The following OCM variants were observed in gnomAD, a reference collection of about 807,000 sequenced individuals.
OCM encodes oncomodulin.
Under a neutral mutation model 14.1 loss-of-function variants are expected in OCM, and 18 were observed. The ratio of observed to expected loss-of-function variants is 1.28; its 90% CI spans 0.88 to 1.89. The LOEUF is 1.89. OCM is among the 40% of genes most tolerant of loss of function. The pLI, the probability that OCM is intolerant of heterozygous loss-of-function variation, is 0.00. For missense variants in OCM, 140 were observed against 137.6 expected, an observed-to-expected ratio of 1.02 and a Z score of -0.09; for synonymous variants, 48 against 51.0, an observed-to-expected ratio of 0.94 and a Z score of 0.25.
chr7:5,878,469 G>A (rs1437560638), upstream of OCM, among the ~76,000 whole-genome samples: 3 of 151,552 alleles, frequency 2.0e-5, no homozygotes, highest in Admixed American at 6.6e-5. Flanking sequence ...AAGATTGGCC[G>A]GGCGCGGTGG....
At chr7:5,865,181 AC>A in the OCM span, among the ~76,000 whole-genome samples, 157 of 152,164 alleles carry the variant, frequency 1.0e-3, 1 homozygote, top group Admixed American at 1.2e-3. Context: ...GTCGGGGCCG[AC>A]GAGTAGTGTG....
chr7:5,865,909 C>T, the OCM span, among the ~76,000 whole-genome samples: 2 of 152,148 alleles, frequency 1.3e-5, no homozygotes, highest in Admixed American at 6.5e-5. Context: ...AAATATGCCG[C>T]ACTCTTGATA....
the OCM span, among the ~76,000 whole-genome samples, chr7:5,866,370 G>GA: frequency 1.6e-5 from 1 of 62,242 alleles, no homozygotes; most frequent in African/African-American, 1.3e-4. Context: ...AGGAGGAAGG[G>GA]AGGGAGGAAA....
chr7:5,862,802 C>T, the OCM span, among the ~76,000 whole-genome samples: 1 of 152,014 alleles, frequency 6.6e-6, no homozygotes, highest in Non-Finnish European at 1.5e-5. Flanking sequence ...AAGATGAATG[C>T]ATCATGGACT....
chr7:5,869,105 A>G, the OCM span, among the ~76,000 whole-genome samples: 1 of 152,210 alleles, frequency 6.6e-6, no homozygotes, highest in Non-Finnish European at 1.5e-5. Flanking sequence ...ACTGAGTCCA[A>G]AGTTCCACAT....
chr7:5,885,647 C>G (rs1484826388), intron 3 of OCM, among the ~76,000 whole-genome samples: 1 of 143,376 alleles, frequency 7.0e-6, no homozygotes, highest in Non-Finnish European at 1.5e-5. Context: ...GTCTGGCTCT[C>G]TCGCCCAGGC....
chr7:5,883,065 C>T (rs1055164658), intron 2 of OCM, among the ~76,000 whole-genome samples: 25 of 152,130 alleles, frequency 1.6e-4, no homozygotes, highest in African/African-American at 3.6e-4. Flanking sequence ...TGGTCTCAAA[C>T]TCCTGACTTC....
chr7:5,870,961 A>G, the OCM span, among the ~76,000 whole-genome samples: 11 of 151,646 alleles, frequency 7.3e-5, no homozygotes, highest in South Asian at 2.3e-3. Context: ...ATCTCAGCTC[A>G]CCGCAACCTC....
chr7:5,867,303 C>A, the OCM span, among the ~76,000 whole-genome samples: 1 of 152,170 alleles, frequency 6.6e-6, no homozygotes, highest in East Asian at 1.9e-4. Flanking sequence ...CATAGCAAGA[C>A]CCCATCTCAA....
rs774881144 is a variant in OCM, at chr7:5,881,036, C to T, written c.61+86C>T. Reference sequence around the variant, plus strand: ...ACACAAAATCAAAATGTAGGCCAGGCGGCCAGACGCAGTGGCTCACACCTG... The same window carrying T: ...ACACAAAATCAAAATGTAGGCCAGGTGGCCAGACGCAGTGGCTCACACCTG... On this transcript the variant is annotated intron_variant, in intron 1 of 3. Transcript: ENST00000242104. The T allele has an allele frequency of 6.2e-5, 86 of 1,387,826 alleles. 1 individual carries two copies. Among genetic ancestry groups the T allele is most frequent in the South Asian group, 2.0e-4 (17 of 85,044 alleles). The allele number at this position is 1,387,826 out of a possible 1,614,324, so 86.0% of individuals were successfully genotyped here. A position where few individuals can be genotyped will look rare whatever the true frequency, so the allele number is the denominator to read the frequency against.
At chr7:5,873,646 T>C in the OCM span, among the ~76,000 whole-genome samples, 2 of 151,986 alleles carry the variant, frequency 1.3e-5, no homozygotes, top group African/African-American at 4.8e-5. Context: ...AGTCCAGCCA[T>C]CCTTGGGTTT....
the OCM span, among the ~76,000 whole-genome samples, chr7:5,864,463 C>A: frequency 1.3e-5 from 2 of 152,060 alleles, no homozygotes; most frequent in African/African-American, 2.4e-5. Context: ...TTCTCCTCCA[C>A]GTTCTAGGGT....
At chr7:5,885,947 C>G in intron 3 of OCM, 117 bp from the exon 4 acceptor site, 1 of 1,058,182 alleles carries the variant, frequency 9.5e-7, no homozygotes, top group Non-Finnish European at 1.5e-6. Context: ...GGGGCCATGC[C>G]CATCATCTGA....
the OCM span, among the ~76,000 whole-genome samples, chr7:5,864,444 G>A: frequency 6.6e-6 from 1 of 152,034 alleles, no homozygotes; most frequent in South Asian, 2.1e-4. Flanking sequence ...AATGAGTTGG[G>A]GTTCTCTTTT....
the OCM span, among the ~76,000 whole-genome samples, chr7:5,874,223 C>CAAAAAA: frequency 1.3e-4 from 4 of 31,490 alleles, no homozygotes; most frequent in Non-Finnish European, 1.2e-4. Flanking sequence ...GACTCTGTCT[C>CAAAAAA]AAAAAAAAAA....
At chr7:5,867,428 C>G in the OCM span, among the ~76,000 whole-genome samples, 1 of 152,158 alleles carries the variant, frequency 6.6e-6, no homozygotes, top group Non-Finnish European at 1.5e-5. Flanking sequence ...TGGTTTTAAA[C>G]AATTTTATAA....
the OCM span, among the ~76,000 whole-genome samples, chr7:5,874,066 A>AT: frequency 3.4e-5 from 5 of 146,024 alleles, no homozygotes; most frequent in South Asian, 2.1e-4. Context: ...AAATAAAAAA[A>AT]AAAAAAAATT....
At chr7:5,865,908 G>A in the OCM span, among the ~76,000 whole-genome samples, 5 of 152,054 alleles carry the variant, frequency 3.3e-5, no homozygotes, top group South Asian at 6.2e-4. Context: ...CAAATATGCC[G>A]CACTCTTGAT....
At chr7:5,865,778 G>A in the OCM span, among the ~76,000 whole-genome samples, 1 of 152,100 alleles carries the variant, frequency 6.6e-6, no homozygotes, top group African/African-American at 2.4e-5. Flanking sequence ...CATACCCTGT[G>A]CATTTAGAGA....
Sources: gnomAD v4.1 joint callset for allele counts (sites outside exome capture counted in the v4.1 genomes callset) on GRCh38, gnomAD v4.1.1 for gene constraint, MANE v1.5 for transcripts, NCBI Gene and HGNC (gene_info 2026-07-23, HGNC 2026-07-21) for gene names.